The following TDRD12 variants were observed in gnomAD, a reference collection of about 807,000 sequenced individuals.
TDRD12 encodes the protein tudor domain containing 12.
In TDRD12, 158 loss-of-function variants were observed where a neutral mutation model predicts 133.5. That is an observed-to-expected ratio of 1.18 (90% CI 1.04 to 1.35). The LOEUF is 1.35. TDRD12 is among the 40% of genes most tolerant of loss of function. The pLI is 0.00. For missense variants in TDRD12, 1,443 were observed against 1,321.3 expected, an observed-to-expected ratio of 1.09 and a Z score of -1.43; for synonymous variants, 460 against 477.9, an observed-to-expected ratio of 0.96 and a Z score of 0.49.
chr19:32,813,704 TA>T lies in TDRD12; in HGVS notation c.3073del (p.Ile1025LeufsTer10). The T allele has an allele frequency of 2.6e-6, 4 of 1,533,764 alleles. No individual in the cohort carries two copies. Among genetic ancestry groups the T allele is most frequent in the Non-Finnish European group, 3.5e-6 (4 of 1,144,980 alleles). ...TTCAGGTTACTAGGTACATTCATCA[TA>T]AAATTGTTGGAAAATTGCATGATGC... On this transcript the variant is annotated frameshift_variant, in exon 25 of 28. Coordinates refer to ENST00000444215, the Ensembl canonical transcript of TDRD12. LOFTEE classifies it high-confidence loss of function.
chr19:32,739,593 CTGCTGTCTGCATCTCCTGGG>C (rs1266069309), intron 3 of TDRD12, among the ~76,000 whole-genome samples: 22 of 135,434 alleles, frequency 1.6e-4, no homozygotes, highest in South Asian at 7.8e-4. Context: ...CATCTCCTGG[CTGCTGTCTGCATCTCCTGGG>C]TGCTGTCTGC....
At chr19:32,773,457 G>T in exon 10 of TDRD12, 6 of 1,551,584 alleles carry the variant, frequency 3.9e-6, no homozygotes, top group Non-Finnish European at 5.2e-6. Context: ...CTTTTACAGC[G>T]TGTTGAATCC....
intron 24 of TDRD12, among the ~76,000 whole-genome samples, chr19:32,812,314 C>T (rs898736922): frequency 6.6e-6 from 1 of 152,244 alleles, no homozygotes; most frequent in Admixed American, 6.5e-5. Flanking sequence ...TCCTGCCCAT[C>T]ACTGGAGCAT....
chr19:32,779,854 G>T (rs1202195363), intron 11 of TDRD12, among the ~76,000 whole-genome samples: 2 of 152,082 alleles, frequency 1.3e-5, no homozygotes, highest in African/African-American at 4.8e-5. Flanking sequence ...GCATAGGAGG[G>T]TGGAGTGGTA....
chr19:32,782,911 G>T (rs1438265905), intron 11 of TDRD12, among the ~76,000 whole-genome samples: 1 of 152,206 alleles, frequency 6.6e-6, no homozygotes, highest in African/African-American at 2.4e-5. Flanking sequence ...CTACCATTCT[G>T]TAGGCTGTTC....
intron 21 of TDRD12, among the ~76,000 whole-genome samples, chr19:32,805,667 C>T (rs1007214653): frequency 2.0e-5 from 3 of 151,310 alleles, no homozygotes; most frequent in African/African-American, 4.9e-5. Flanking sequence ...CTTTGGTCCT[C>T]ATCAAGGTTG....
chr19:32,821,013 C>T lies in TDRD12; in HGVS notation c.3384-20C>T, dbSNP rs554164102. The T allele has an allele frequency of 2.3e-5, 35 of 1,531,658 alleles. No individual in the cohort carries two copies. In the African/African-American group the frequency reaches 4.1e-4, roughly 18 times the overall value. The allele number at this position is 1,531,658 out of a possible 1,614,324, so 94.9% of individuals were successfully genotyped here. A position where few individuals can be genotyped will look rare whatever the true frequency, so the allele number is the denominator to read the frequency against. ...GTTCCTGTAGAGAGCCAGGTGTTAA[C>T]CCCTGCCTCTCCCGTCTAGGACGCC... On this transcript the variant is annotated intron_variant, in intron 27 of 27. Coordinates refer to ENST00000444215, the Ensembl canonical transcript of TDRD12.
chr19:32,801,079 T>A (rs1971374231), intron 18 of TDRD12, among the ~76,000 whole-genome samples: 1 of 151,756 alleles, frequency 6.6e-6, no homozygotes. Flanking sequence ...CTGTACCCTC[T>A]GTTTAAGAAG....
rs915921089 is a variant in TDRD12 at position 32,739,018 on chromosome 19, C to G, written c.320+26C>G. 3.9e-6 allele frequency: 6 copies of G among 1,548,824 alleles called. No individual in the cohort carries two copies. The African/African-American group carries it at 8.2e-5, about 21-fold the overall frequency. On this transcript the variant is annotated intron_variant, in intron 3 of 27. Transcript: ENST00000444215. ...GTATGTACATGTTTATCTCACCTTA[C>G]GCTCTTTTCAGAGACAAATGTCAGT...
intron 1 of TDRD12, among the ~76,000 whole-genome samples, chr19:32,728,277 CT>C: frequency 6.6e-6 from 1 of 152,094 alleles, no homozygotes; most frequent in African/African-American, 2.4e-5. Flanking sequence ...TTAGAATGTG[CT>C]TTTCTATTTC....
At chr19:32,797,693 T>TA in intron 14 of TDRD12, 42 bp from the exon 15 acceptor site, 1 of 612,124 alleles carries the variant, frequency 1.6e-6, no homozygotes, top group Non-Finnish European at 2.9e-6. Flanking sequence ...GCTGAATTCC[T>TA]AACTACTGTC....
chr19:32,780,332 T>TCG (rs1970726226), intron 11 of TDRD12, among the ~76,000 whole-genome samples: 1 of 152,190 alleles, frequency 6.6e-6, no homozygotes, highest in African/African-American at 2.4e-5. Flanking sequence ...GTGATCTGCC[T>TCG]GCCATTAGCT....
At chr19:32,748,820 C>T (rs982630704) in intron 5 of TDRD12, among the ~76,000 whole-genome samples, 9 of 152,162 alleles carry the variant, frequency 5.9e-5, no homozygotes, top group East Asian at 3.8e-4. Flanking sequence ...AAAGCTGCGG[C>T]GCTGCAAAAT....
intron 8 of TDRD12, among the ~76,000 whole-genome samples, chr19:32,770,935 T>C (rs1169657779): frequency 1.3e-5 from 2 of 152,246 alleles, no homozygotes; most frequent in African/African-American, 4.8e-5. Context: ...TTCGTAGTTC[T>C]TTAAGTAGGG....
intron 21 of TDRD12, 29 bp downstream of exon 21, chr19:32,803,171 C>T: frequency 2.1e-6 from 3 of 1,457,030 alleles, no homozygotes; most frequent in African/African-American, 2.8e-5. Flanking sequence ...TCTTATTAAA[C>T]TGATGTATAA....
At chr19:32,734,344 TCTCTC>T (rs1057460850) in intron 2 of TDRD12, among the ~76,000 whole-genome samples, 37 of 151,952 alleles carry the variant, frequency 2.4e-4, no homozygotes, top group South Asian at 4.2e-4. Context: ...GTTTTGTTTT[TCTCTC>T]CTCCTCCTCC....
At chr19:32,764,197 G>A (rs1334612192) in intron 8 of TDRD12, among the ~76,000 whole-genome samples, 2 of 127,062 alleles carry the variant, frequency 1.6e-5, no homozygotes, top group African/African-American at 3.0e-5. Context: ...TGCAAGCTCC[G>A]CCTCCCAGGT....
intron 11 of TDRD12, 100 bp downstream of exon 11, chr19:32,777,329 C>T (rs1480427258): frequency 3.8e-6 from 3 of 788,356 alleles, no homozygotes; most frequent in Non-Finnish European, 5.8e-6. Flanking sequence ...TTCAAACCTG[C>T]ATTCCCATCA....
intron 8 of TDRD12, among the ~76,000 whole-genome samples, chr19:32,772,322 C>T (rs1970463824): frequency 6.6e-6 from 1 of 152,240 alleles, no homozygotes; most frequent in East Asian, 1.9e-4. Flanking sequence ...TTCGTAATGT[C>T]ACTTTAGAAG....
Sources: gnomAD v4.1 joint callset for allele counts (sites outside exome capture counted in the v4.1 genomes callset) on GRCh38, gnomAD v4.1.1 for gene constraint, MANE v1.5 for transcripts, NCBI Gene and HGNC (gene_info 2026-07-23, HGNC 2026-07-21) for gene names.